SLC44A5: variants seen among roughly 807,000 people sequenced by gnomAD.
SLC44A5 encodes solute carrier family 44 member 5.
A neutral mutation model predicts 101.8 loss-of-function variants in SLC44A5; 57 were observed. The ratio of observed to expected loss-of-function variants is 0.56; its 90% CI spans 0.45 to 0.70. The LOEUF (loss-of-function observed/expected upper bound fraction) is 0.70, where lower values mean the gene tolerates loss of function less well. Ranked by LOEUF, SLC44A5 falls within the 30% of genes least tolerant of loss-of-function variation. SLC44A5 has a pLI of 0.00. For synonymous variants in SLC44A5, 281 were observed against 290.9 expected, an observed-to-expected ratio of 0.97 and a Z score of 0.35; for missense variants, 737 against 853.1, an observed-to-expected ratio of 0.86 and a Z score of 1.70.
At chr1:75,472,219 G>A (rs916162139) in intron 2 of SLC44A5, among the ~76,000 whole-genome samples, 1 of 151,976 alleles carries the variant, frequency 6.6e-6, no homozygotes, top group Non-Finnish European at 1.5e-5. Flanking sequence ...GGTATCTTTA[G>A]GGTGAGTCAT....
chr1:75,268,808 C>A (rs1047028664), intron 6 of SLC44A5, among the ~76,000 whole-genome samples: 1 of 151,984 alleles, frequency 6.6e-6, no homozygotes, highest in Non-Finnish European at 1.5e-5. Flanking sequence ...TATCTCTACC[C>A]AATAATTAAT....
At chr1:75,211,828 CTTTTCTTTT>C (rs1051640658) in intron 22 of SLC44A5, among the ~76,000 whole-genome samples, 4 of 146,132 alleles carry the variant, frequency 2.7e-5, no homozygotes, top group East Asian at 4.0e-4. Flanking sequence ...CTTTTCTTTT[CTTTTCTTTT>C]TTTTCTTTTC....
rs568183385 is a variant in SLC44A5, at chr1:75,399,474, G to A, written c.14-2853C>T. 7.9e-5 allele frequency among the ~76,000 whole-genome samples: 12 copies of A among 152,292 alleles called. No homozygotes were observed. The South Asian group carries it at 8.3e-4, about 11-fold the overall frequency. ...GTCAGTGTCAGAGGAAAAGGGGAGT[G>A]TGCTAATCAGAAGAGACTTCAGGGA... On this transcript the variant is annotated intron_variant, in intron 2 of 23. Coordinates refer to ENST00000370859, the MANE Select transcript of SLC44A5 (RefSeq NM_001130058.2).
At chr1:75,261,947 T>G (rs1650548562) in intron 6 of SLC44A5, among the ~76,000 whole-genome samples, 1 of 152,094 alleles carries the variant, frequency 6.6e-6, no homozygotes, top group Non-Finnish European at 1.5e-5. Flanking sequence ...TCAACAGCCC[T>G]TCATGCTAAA....
At chr1:75,680,399 A>AT in the SLC44A5 span, among the ~76,000 whole-genome samples, 2 of 152,206 alleles carry the variant, frequency 1.3e-5, no homozygotes, top group Non-Finnish European at 2.9e-5. Context: ...AACAGAAATT[A>AT]TAACAAACTA....
chr1:75,659,440 G>GGAGA, the SLC44A5 span, among the ~76,000 whole-genome samples: 1 of 18,552 alleles, frequency 5.4e-5, no homozygotes, highest in Non-Finnish European at 1.5e-4. Flanking sequence ...AGGGAGGGAG[G>GGAGA]GAGGGAAGGA....
intron 1 of SLC44A5, among the ~76,000 whole-genome samples, chr1:75,548,395 T>C (rs1163749340): frequency 1.3e-5 from 2 of 152,164 alleles, no homozygotes; most frequent in Non-Finnish European, 2.9e-5. Flanking sequence ...AATTTAATGA[T>C]CTTTAAAAAT....
At chr1:75,484,358 C>T (rs1315054835) in intron 2 of SLC44A5, among the ~76,000 whole-genome samples, 1 of 152,186 alleles carries the variant, frequency 6.6e-6, no homozygotes, top group African/African-American at 2.4e-5. Context: ...GGCCACAGGC[C>T]CCATGCCAAT....
At chr1:75,461,874 G>A (rs1324572726) in intron 2 of SLC44A5, among the ~76,000 whole-genome samples, 1 of 152,156 alleles carries the variant, frequency 6.6e-6, no homozygotes, top group Non-Finnish European at 1.5e-5. Context: ...AAGTACAATA[G>A]AACATCAGAT....
intron 2 of SLC44A5, among the ~76,000 whole-genome samples, chr1:75,518,386 T>C (rs924865292): frequency 2.0e-5 from 3 of 152,214 alleles, no homozygotes; most frequent in African/African-American, 7.2e-5. Flanking sequence ...TAAGTCCCCA[T>C]TGTATACTAC....
At chr1:75,254,941 T>TTTATG (rs1266740367) in intron 6 of SLC44A5, among the ~76,000 whole-genome samples, 1 of 152,080 alleles carries the variant, frequency 6.6e-6, no homozygotes, top group East Asian at 1.9e-4. Context: ...TTTAAGAAAG[T>TTTATG]TTATGATTTT....
At position 75,389,149 on chromosome 1, in the gene SLC44A5, C is replaced by T. The variant is rs34913074; in HGVS notation, c.52+7434G>A. ...AAGACATATTTGCCCTAAATATATA[C>T]GCACTCAACACTGGAGCACTCAGAT... On this transcript the variant is annotated intron_variant, in intron 3 of 23. Coordinates refer to ENST00000370859, the MANE Select transcript of SLC44A5 (RefSeq NM_001130058.2). Among the ~76,000 whole-genome samples, 1,189 of 152,226 alleles carry T rather than the reference C, an allele frequency of 7.8e-3. 8 individuals are homozygous for T. The highest frequency in any genetic ancestry group is 0.01 in the Middle Eastern group (3 of 292).
chr1:75,702,936 A>T, the SLC44A5 span, among the ~76,000 whole-genome samples: 1 of 152,130 alleles, frequency 6.6e-6, no homozygotes, highest in African/African-American at 2.4e-5. Flanking sequence ...CCATCAGAGA[A>T]ATACAAATCA....
chr1:75,242,858 C>T, intron 8 of SLC44A5, 28 bp downstream of exon 8: 2 of 1,541,830 alleles, frequency 1.3e-6, no homozygotes, highest in Admixed American at 2.2e-5. Context: ...TTAAATTGTT[C>T]TCTTGCTTTA....
At chr1:75,247,975 C>T (rs763627988) in intron 7 of SLC44A5, among the ~76,000 whole-genome samples, 1 of 151,694 alleles carries the variant, frequency 6.6e-6, no homozygotes, top group African/African-American at 2.4e-5. Flanking sequence ...GATGTGGGAT[C>T]AAGGGAAAAA....
intron 5 of SLC44A5, among the ~76,000 whole-genome samples, chr1:75,277,314 A>T (rs1050425985): frequency 6.6e-6 from 1 of 152,198 alleles, no homozygotes; most frequent in Non-Finnish European, 1.5e-5. Flanking sequence ...TAACTTGATT[A>T]CACCCATTGT....
chr1:75,516,182 A>G (rs1669819326), intron 2 of SLC44A5, among the ~76,000 whole-genome samples: 1 of 152,184 alleles, frequency 6.6e-6, no homozygotes, highest in Non-Finnish European at 1.5e-5. Context: ...TTAAGATGTG[A>G]GTTTCCAAAT....
intron 1 of SLC44A5, among the ~76,000 whole-genome samples, chr1:75,597,985 A>G (rs1216184258): frequency 6.6e-6 from 1 of 152,176 alleles, no homozygotes; most frequent in Non-Finnish European, 1.5e-5. Context: ...AAAAGAAACT[A>G]CCAACAGAGT....
the SLC44A5 span, among the ~76,000 whole-genome samples, chr1:75,631,962 G>A: frequency 3.3e-5 from 5 of 152,094 alleles, no homozygotes; most frequent in Non-Finnish European, 5.9e-5. Flanking sequence ...CACCCTGCCT[G>A]GACAGTATCA....
Sources: gnomAD v4.1 joint callset for allele counts (sites outside exome capture counted in the v4.1 genomes callset) on GRCh38, gnomAD v4.1.1 for gene constraint, MANE v1.5 for transcripts, NCBI Gene and HGNC (gene_info 2026-07-23, HGNC 2026-07-21) for gene names.